Variants in PACC1 observed in about 807,000 individuals in gnomAD.
The protein encoded by PACC1 is proton-activated chloride channel.
Under a neutral mutation model 39.7 loss-of-function variants are expected in PACC1, and 34 were observed. The ratio of observed to expected loss-of-function variants is 0.86; its 90% CI spans 0.65 to 1.14. The LOEUF (loss-of-function observed/expected upper bound fraction) is 1.14, where lower values mean the gene tolerates loss of function less well. Among genes scored for constraint, PACC1 ranks in the 50% most tolerant of loss-of-function variants. The probability of loss-of-function intolerance (pLI) is 0.00; values close to 1 mark genes in which losing one functional copy is unlikely to be tolerated. For missense variants in PACC1, 379 were observed against 436.4 expected (o/e 0.87, Z 1.17); for synonymous variants, 127 against 160.6 (o/e 0.79, Z 1.58).
chr1:212,375,716 C>A (rs1466765777), intron 6 of PACC1, among the ~76,000 whole-genome samples: 4 of 152,084 alleles, frequency 2.6e-5, no homozygotes, highest in Non-Finnish European at 5.9e-5. Context: ...TAAGCCCTGT[C>A]TCTACTGAAA....
chr1:212,409,592 G>T (rs1468691359), intron 2 of PACC1, among the ~76,000 whole-genome samples: 1 of 152,138 alleles, frequency 6.6e-6, no homozygotes, highest in Non-Finnish European at 1.5e-5. Context: ...CCTGCAAACA[G>T]GAAATACTGG....
In PACC1 at chr1:212,364,791, C is replaced by G. The variant is rs1660171106; in HGVS notation, c.*424G>C. ...TGCATAGGCTCCAAAGCATGACCTG[C>G]ACGTCTTGATACTCAGGAATTTTTG... On this transcript the variant is annotated 3_prime_UTR_variant, in exon 8 of 8. Coordinates refer to ENST00000261455, the MANE Select transcript of PACC1 (RefSeq NM_018252.3). The G allele has an allele frequency of 6.5e-6, 1 of 152,894 alleles. No homozygotes were observed. 9.5% of individuals were successfully genotyped at this position (152,894 alleles called of 1,614,324 possible). A position where few individuals can be genotyped will look rare whatever the true frequency, so the allele number is the denominator to read the frequency against.
At chr1:212,365,892 T>C (rs1289773124) in intron 7 of PACC1, among the ~76,000 whole-genome samples, 1 of 152,234 alleles carries the variant, frequency 6.6e-6, no homozygotes, top group Non-Finnish European at 1.5e-5. Context: ...TCCCTAAAAC[T>C]ATACCCAGTC....
At position 212,414,825 on chromosome 1, in the gene PACC1, G is replaced by A. The variant is rs371380668; in HGVS notation, c.-68C>T. 2 of 1,593,990 alleles carry A rather than the reference G, an allele frequency of 1.3e-6. No homozygotes were observed. Among genetic ancestry groups the A allele is most frequent in the African/African-American group, 1.3e-5 (1 of 74,450 alleles). ...CGCGGCGCACGGACGCAGCACTGCG[G>A]CCGCTGCACCTGGACCTACCGGCTC... On this transcript the variant is annotated 5_prime_UTR_variant, in exon 1 of 8. Coordinates refer to ENST00000261455, the MANE Select transcript of PACC1 (RefSeq NM_018252.3).
intron 2 of PACC1, among the ~76,000 whole-genome samples, chr1:212,400,606 T>C (rs1282733238): frequency 2.6e-5 from 4 of 152,144 alleles, no homozygotes; most frequent in African/African-American, 9.7e-5. Context: ...CTAGACACCA[T>C]TATACTTTAT....
chr1:212,405,218 G>T (rs1189456475), intron 2 of PACC1, among the ~76,000 whole-genome samples: 10 of 152,036 alleles, frequency 6.6e-5, no homozygotes, highest in Admixed American at 6.6e-4. Context: ...TCCCCCAGAG[G>T]ACAAATAGGT....
chr1:212,393,990 C>T (rs1267533095), intron 2 of PACC1, among the ~76,000 whole-genome samples: 1 of 151,942 alleles, frequency 6.6e-6, no homozygotes, highest in Non-Finnish European at 1.5e-5. Flanking sequence ...GGATTCACAG[C>T]CGAATTCTAC....
chr1:212,394,079 T>G (rs1484697534), intron 2 of PACC1, among the ~76,000 whole-genome samples: 4 of 152,104 alleles, frequency 2.6e-5, no homozygotes, highest in Admixed American at 6.5e-5. Context: ...CCTCCCTAAC[T>G]CATTTTATGA....
At chr1:212,413,794 A>C (rs1662222349) in intron 1 of PACC1, 2 of 1,297,392 alleles carry the variant, frequency 1.5e-6, no homozygotes, top group East Asian at 5.2e-5. Flanking sequence ...CAGGGCCTCA[A>C]GGCAAATCTG....
chr1:212,382,944 C>T (rs1305940581), intron 4 of PACC1, among the ~76,000 whole-genome samples: 3 of 152,210 alleles, frequency 2.0e-5, no homozygotes, highest in African/African-American at 7.2e-5. Context: ...TCTCACCGGT[C>T]CCACCCTGCA....
intron 5 of PACC1, 64 bp downstream of exon 5, chr1:212,379,831 A>T: frequency 6.3e-7 from 1 of 1,597,894 alleles, no homozygotes; most frequent in South Asian, 1.1e-5. Flanking sequence ...TAGCCTTGGG[A>T]CATACACAGC....
intron 4 of PACC1, among the ~76,000 whole-genome samples, chr1:212,380,711 C>T (rs1185833799): frequency 6.6e-6 from 1 of 152,120 alleles, no homozygotes; most frequent in Non-Finnish European, 1.5e-5. Flanking sequence ...CTAGCAGAGC[C>T]CACACATTTG....
chr1:212,400,139 C>G (rs999432559), intron 2 of PACC1, among the ~76,000 whole-genome samples: 1 of 150,070 alleles, frequency 6.7e-6, no homozygotes, highest in Admixed American at 6.6e-5. Flanking sequence ...AGCCACTGCA[C>G]CTGGCCCAGA....
chr1:212,412,807 C>T (rs1007344188), intron 1 of PACC1, among the ~76,000 whole-genome samples: 1 of 152,358 alleles, frequency 6.6e-6, no homozygotes, highest in South Asian at 2.1e-4. Flanking sequence ...GAGCTGCCCA[C>T]ACCGTTAACA....
intron 2 of PACC1, among the ~76,000 whole-genome samples, chr1:212,399,857 T>G (rs1028385145): frequency 2.0e-5 from 3 of 151,722 alleles, no homozygotes; most frequent in Admixed American, 2.0e-4. Context: ...AAAACTTTTT[T>G]TTTTGAGACG....
At chr1:212,380,338 A>G (rs919681806) in intron 4 of PACC1, among the ~76,000 whole-genome samples, 13 of 152,176 alleles carry the variant, frequency 8.5e-5, no homozygotes, top group African/African-American at 2.9e-4. Context: ...ATGTGTGCCA[A>G]TCTTTTCTTC....
rs759716245 is a variant in PACC1 at position 212,385,428 on chromosome 1, G to A, written c.344-3C>T. ...CTGACCGGGGTACAAGGCAATACCT[G>A]GGGGCACAAACAGGAAAAGCAAGTG... On this transcript the variant is annotated splice_polypyrimidine_tract_variant and splice_region_variant and intron_variant, in intron 3 of 7. Coordinates refer to ENST00000261455, the MANE Select transcript of PACC1 (RefSeq NM_018252.3). 2 of 1,613,954 alleles carry A rather than the reference G, an allele frequency of 1.2e-6. No individual in the cohort carries two copies.
intron 2 of PACC1, among the ~76,000 whole-genome samples, chr1:212,396,467 A>G (rs1409743823): frequency 6.6e-6 from 1 of 152,188 alleles, no homozygotes; most frequent in African/African-American, 2.4e-5. Context: ...GGATAGCATT[A>G]GGAGATATAC....
intron 4 of PACC1, among the ~76,000 whole-genome samples, chr1:212,380,872 T>C (rs1660852735): frequency 6.6e-6 from 1 of 152,236 alleles, no homozygotes; most frequent in Admixed American, 6.5e-5. Context: ...TAAGACTAGC[T>C]TGCTTAGTTC....
Sources: allele counts gnomAD v4.1 joint callset (sites outside exome capture counted in the v4.1 genomes callset), GRCh38; gene constraint gnomAD v4.1.1; transcripts MANE v1.5; gene names NCBI Gene and HGNC (gene_info 2026-07-23, HGNC 2026-07-21).